Variants in CELF2 observed in about 807,000 individuals in gnomAD.
The protein encoded by CELF2 is CUGBP Elav-like family member 2.
CELF2 carries 8 observed loss-of-function variants against 62.6 expected under a neutral mutation model. That is an observed-to-expected ratio of 0.13 (90% confidence interval 0.07 to 0.23). The LOEUF (loss-of-function observed/expected upper bound fraction) is 0.23, where lower values mean the gene tolerates loss of function less well. Ranked by LOEUF, CELF2 falls within the 10% of genes least tolerant of loss-of-function variation. CELF2 has a pLI of 1.00. For missense variants in CELF2, 333 were observed against 671.0 expected (o/e 0.50, Z 5.56); for synonymous variants, 258 against 250.0 (o/e 1.03, Z -0.30).
At chr10:11,049,496 C>T (rs2063496166) in intron 1 of CELF2, among the ~76,000 whole-genome samples, 1 of 144,704 alleles carries the variant, frequency 6.9e-6, no homozygotes, top group South Asian at 2.2e-4. Context: ...GAACCGGGAC[C>T]TCTGATCTTC....
At position 11,268,554 on chromosome 10, in the gene CELF2, GT is replaced by G. The variant is rs2082809339; in HGVS notation, c.618+1880del. Among the ~76,000 whole-genome samples, 4 of 152,168 alleles carry G rather than the reference GT, an allele frequency of 2.6e-5. No individual in the cohort carries two copies. The South Asian group carries it at 8.3e-4, about 32-fold the overall frequency. On this transcript the variant is annotated intron_variant, in intron 6 of 12. Coordinates refer to ENST00000633077, the MANE Select transcript of CELF2 (RefSeq NM_001326342.2). The surrounding 1 kb of genome is among the most constrained non-coding windows in gnomAD (Gnocchi z 4.7). ...TAGGTTCCCATCATGTAAAGAGTTG[GT>G]TTGACCACTGGGGCATATTTATTCC...
intron 1 of CELF2, among the ~76,000 whole-genome samples, chr10:10,799,872 T>C (rs975141903): frequency 6.6e-6 from 1 of 152,204 alleles, no homozygotes; most frequent in African/African-American, 2.4e-5. Context: ...TATGAAAATG[T>C]TCAATTGAGG....
chr10:11,273,766 G>C (rs11598202), intron 7 of CELF2, among the ~76,000 whole-genome samples: 1 of 151,130 alleles, frequency 6.6e-6, no homozygotes, highest in Admixed American at 6.6e-5. Flanking sequence ...CTGTTGCCCA[G>C]GTTGGAGTGC....
At chr10:10,994,455 C>T (rs2053745292) in intron 2 of CELF2, among the ~76,000 whole-genome samples, 1 of 152,184 alleles carries the variant, frequency 6.6e-6, no homozygotes, top group Admixed American at 6.5e-5. Flanking sequence ...CAGGGGTCCC[C>T]AGCTCTGTTA....
the CELF2 span, among the ~76,000 whole-genome samples, chr10:10,683,892 G>A: frequency 6.6e-6 from 1 of 152,096 alleles, no homozygotes; most frequent in East Asian, 1.9e-4. Flanking sequence ...AAGTCGTCAG[G>A]CAAGAGGGTC....
the CELF2 span, among the ~76,000 whole-genome samples, chr10:10,519,788 A>G: frequency 6.6e-6 from 1 of 152,306 alleles, no homozygotes; most frequent in Non-Finnish European, 1.5e-5. Flanking sequence ...ACCAGCAAGC[A>G]CTCAATTCAA....
intron 1 of CELF2, among the ~76,000 whole-genome samples, chr10:10,889,845 GA>G (rs1195463724): frequency 1.3e-5 from 2 of 152,202 alleles, no homozygotes; most frequent in Non-Finnish European, 2.9e-5. Flanking sequence ...CTGATTCTAA[GA>G]AAAGTCAATA....
At chr10:10,823,250 G>C (rs2038663) in intron 1 of CELF2, among the ~76,000 whole-genome samples, 72,362 of 152,028 alleles carry the variant, frequency 0.48, 17,751 homozygotes, top group African/African-American at 0.6. Context: ...TTCATAGTGA[G>C]TCTGTAGTTG....
the CELF2 span, among the ~76,000 whole-genome samples, chr10:10,479,141 T>C: frequency 6.6e-6 from 1 of 152,180 alleles, no homozygotes; most frequent in African/African-American, 2.4e-5. Flanking sequence ...TCTTCTCATC[T>C]TTATTAGAGA....
At chr10:11,019,345 A>G (rs970955837) in intron 1 of CELF2, among the ~76,000 whole-genome samples, 2 of 152,194 alleles carry the variant, frequency 1.3e-5, no homozygotes, top group South Asian at 2.1e-4. Flanking sequence ...ATGGATTGGT[A>G]TGGTAAGAGT....
chr10:11,109,510 C>T (rs558447321), intron 1 of CELF2, among the ~76,000 whole-genome samples: 2 of 152,294 alleles, frequency 1.3e-5, no homozygotes, highest in Admixed American at 6.5e-5. Flanking sequence ...GTCATTTTCA[C>T]ACGAAGAATC....
chr10:11,165,991 G>A lies in CELF2; in HGVS notation c.271+309G>A, dbSNP rs1239719498. ...AGGCAGCCCAGCCTGTGCTTGGGCG[G>A]GGTGGTTGCTTCTCCGAGGAATCGC... On this transcript the variant is annotated intron_variant, in intron 2 of 12. Coordinates refer to ENST00000633077, the MANE Select transcript of CELF2 (RefSeq NM_001326342.2). The surrounding 1 kb of genome is among the most constrained non-coding windows in gnomAD (Gnocchi z 7.4). 1.3e-5 allele frequency among the ~76,000 whole-genome samples: 2 copies of A among 152,258 alleles called. No individual in the cohort carries two copies. Among genetic ancestry groups the A allele is most frequent in the Non-Finnish European group, 2.9e-5 (2 of 68,038 alleles).
At chr10:11,042,062 G>A (rs1235086307) in intron 1 of CELF2, among the ~76,000 whole-genome samples, 1 of 152,172 alleles carries the variant, frequency 6.6e-6, no homozygotes, top group South Asian at 2.1e-4. Flanking sequence ...AACGATTTTT[G>A]CATGATCAAA....
At chr10:10,569,176 G>A in the CELF2 span, among the ~76,000 whole-genome samples, 3 of 152,200 alleles carry the variant, frequency 2.0e-5, no homozygotes, top group South Asian at 2.1e-4. Context: ...TTTTCCTGCT[G>A]CTGATAAAGA....
intron 1 of CELF2, among the ~76,000 whole-genome samples, chr10:10,842,173 A>G (rs2058726766): frequency 6.6e-6 from 1 of 152,072 alleles, no homozygotes; most frequent in Admixed American, 6.6e-5. Flanking sequence ...GTTACTGATT[A>G]CTTCCAGCAT....
intron 1 of CELF2, among the ~76,000 whole-genome samples, chr10:10,833,626 G>A (rs1019597205): frequency 1.3e-5 from 2 of 152,130 alleles, no homozygotes; most frequent in African/African-American, 2.4e-5. Context: ...TGTTAGAAAT[G>A]ATGAGGAATT....
At chr10:11,096,849 A>G (rs189740498) in intron 1 of CELF2, among the ~76,000 whole-genome samples, 2 of 152,214 alleles carry the variant, frequency 1.3e-5, no homozygotes, top group African/African-American at 4.8e-5. Context: ...GCCCGAATTT[A>G]AATGAACTGG....
In CELF2 at chr10:11,312,591, G is replaced by C. The variant is rs548623156; in HGVS notation, c.977-1548G>C. On this transcript the variant is annotated intron_variant, in intron 9 of 12. Coordinates refer to ENST00000633077, the MANE Select transcript of CELF2 (RefSeq NM_001326342.2). ...AGTTTTTATGACCATATATGAAAGA[G>C]TAGGAATACTATGCATGACTTCCAA... Among the ~76,000 whole-genome samples the C allele has an allele frequency of 2.6e-5, 4 of 152,342 alleles. No individual in the cohort carries two copies. In the South Asian group the frequency reaches 8.3e-4, roughly 32 times the overall value.
In CELF2 at chr10:11,046,058, G is replaced by A. The variant is rs1593943434; in HGVS notation, c.74+27895G>A. On this transcript the variant is annotated intron_variant, in intron 1 of 12. Coordinates refer to ENST00000633077, the MANE Select transcript of CELF2 (RefSeq NM_001326342.2). The surrounding 1 kb of genome is among the most constrained non-coding windows in gnomAD (Gnocchi z 4.6). Reference sequence around the variant, plus strand: ...AAAGGCAACGACTCGCTCATGAAGAGTTTGAACATACAGGGAGACCAGCTG... The same window carrying A: ...AAAGGCAACGACTCGCTCATGAAGAATTTGAACATACAGGGAGACCAGCTG... 6.6e-6 allele frequency among the ~76,000 whole-genome samples: 1 copy of A among 152,218 alleles called. No homozygotes were observed. The highest frequency in any genetic ancestry group is 2.1e-4 in the South Asian group (1 of 4,830).
Sources: gnomAD v4.1 joint callset for allele counts (sites outside exome capture counted in the v4.1 genomes callset) on GRCh38, gnomAD v4.1.1 for gene constraint, Gnocchi (gnomAD v3.1) non-coding constraint, MANE v1.5 for transcripts, NCBI Gene and HGNC (gene_info 2026-07-23, HGNC 2026-07-21) for gene names.